Variants in NRG1 observed in about 807,000 individuals in gnomAD.
NRG1 encodes neuregulin 1, also known as pro-neuregulin-1, membrane-bound isoform.
Under a neutral mutation model 63.8 loss-of-function variants are expected in NRG1, and 18 were observed. The observed-to-expected ratio is 0.28, with a 90% CI of 0.19 to 0.42. The LOEUF (loss-of-function observed/expected upper bound fraction) is 0.42. Ranked by LOEUF, NRG1 falls within the 10% of genes least tolerant of loss-of-function variation. The pLI, the probability that NRG1 is intolerant of heterozygous loss-of-function variation, is 1.00. For synonymous variants in NRG1, 302 were observed against 301.3 expected, an observed-to-expected ratio of 1.00 and a Z score of -0.02; for missense variants, 762 against 814.7, an observed-to-expected ratio of 0.94 and a Z score of 0.79.
intron 1 of NRG1, among the ~76,000 whole-genome samples, chr8:31,792,481 T>G (rs1563407704): frequency 6.6e-6 from 1 of 152,248 alleles, no homozygotes; most frequent in Non-Finnish European, 1.5e-5. Flanking sequence ...CCAAATCACA[T>G]GACACAACCA....
At chr8:31,735,402 T>C (rs552851434) in intron 1 of NRG1, among the ~76,000 whole-genome samples, 1 of 152,304 alleles carries the variant, frequency 6.6e-6, no homozygotes, top group South Asian at 2.1e-4. Flanking sequence ...AAAACCCCAC[T>C]GTCTTCCCTT....
upstream of NRG1, among the ~76,000 whole-genome samples, chr8:32,546,887 A>G (rs1393071135): frequency 6.6e-6 from 1 of 152,202 alleles, no homozygotes; most frequent in Admixed American, 6.5e-5. Context: ...CATATCAAGG[A>G]GACACTCCAG....
Position 32,195,797 on chromosome 8 carries a change from AG to A in NRG1, c.38-400030del, listed in dbSNP as rs201405234. On this transcript the variant is annotated intron_variant, in intron 1 of 10. Coordinates refer to the NRG1 transcript ENST00000519301. ...GTAGACATTGAATACTATGTTTGGA[AG>A]TCAGGGAATTGTTTAATATATTTAA... Among the ~76,000 whole-genome samples, 459 of 152,286 alleles carry A rather than the reference AG, an allele frequency of 3.0e-3. 2 individuals carry two copies. Among genetic ancestry groups the A allele is most frequent in the African/African-American group, 0.011 (437 of 41,558 alleles).
intron 1 of NRG1, among the ~76,000 whole-genome samples, chr8:31,891,798 A>G (rs1831164863): frequency 6.6e-6 from 1 of 152,212 alleles, no homozygotes; most frequent in Non-Finnish European, 1.5e-5. Flanking sequence ...ATACCATGGA[A>G]TAGTATTCAG....
At chr8:32,437,846 A>AACTG in intron 1 of NRG1, among the ~76,000 whole-genome samples, 1 of 152,200 alleles carries the variant, frequency 6.6e-6, no homozygotes, top group African/African-American at 2.4e-5. Context: ...TCCACCCAAT[A>AACTG]GTAAATGCCT....
At chr8:32,167,136 G>A (rs1041236671) in intron 1 of NRG1, among the ~76,000 whole-genome samples, 2 of 152,126 alleles carry the variant, frequency 1.3e-5, no homozygotes, top group African/African-American at 4.8e-5. Context: ...ATAATAAGGA[G>A]CTAATAAATT....
intron 1 of NRG1, among the ~76,000 whole-genome samples, chr8:31,878,449 C>T (rs1760528517): frequency 6.6e-6 from 1 of 151,984 alleles, no homozygotes; most frequent in South Asian, 2.1e-4. Context: ...GCCAAAAAGC[C>T]CTGAAATAAA....
intron 1 of NRG1, among the ~76,000 whole-genome samples, chr8:31,820,207 G>A (rs1477398330): frequency 6.6e-6 from 1 of 152,154 alleles, no homozygotes; most frequent in Non-Finnish European, 1.5e-5. Context: ...GTAACGCGAT[G>A]AGGGCCAGAT....
chr8:32,421,012 T>C (rs1478637500), intron 1 of NRG1, among the ~76,000 whole-genome samples: 1 of 152,214 alleles, frequency 6.6e-6, no homozygotes, highest in Non-Finnish European at 1.5e-5. Flanking sequence ...CTTTGCCTTC[T>C]GCCATGATTG....
chr8:32,587,611 A>G (rs543573504), intron 1 of NRG1, among the ~76,000 whole-genome samples: 1 of 152,250 alleles, frequency 6.6e-6, no homozygotes, highest in South Asian at 2.1e-4. Context: ...CTCTGGAATC[A>G]TTTTGTACCT....
Position 32,754,270 on chromosome 8 carries a change from G to A in NRG1, c.692-102G>A, listed in dbSNP as rs753193565. The A allele has an allele frequency of 8.7e-6, 8 of 916,990 alleles. No individual in the cohort carries two copies. In the Admixed American group the frequency reaches 1.2e-4, roughly 14 times the overall value. 56.8% of individuals were successfully genotyped at this position (916,990 alleles called of 1,614,324 possible). ...AGAATTGTCATGTATTTATTTTCTT[G>A]TGAACATGGACAATGTCATGCAGCA... On this transcript the variant is annotated intron_variant, in intron 7 of 11. Transcript: ENST00000356819.
At chr8:31,964,052 A>G (rs1004752117) in intron 1 of NRG1, among the ~76,000 whole-genome samples, 28 of 152,192 alleles carry the variant, frequency 1.8e-4, no homozygotes, top group African/African-American at 6.5e-4. Flanking sequence ...AATGTGAGGT[A>G]GATGACACCA....
chr8:32,647,576 A>C, intron 5 of NRG1: 1 of 1,378,290 alleles, frequency 7.3e-7, no homozygotes, highest in South Asian at 2.0e-5. Flanking sequence ...ATCTTTCTGA[A>C]CTCTTCTTGA....
At chr8:32,516,299 G>A (rs779061894) in intron 1 of NRG1, among the ~76,000 whole-genome samples, 2 of 151,962 alleles carry the variant, frequency 1.3e-5, no homozygotes, top group Non-Finnish European at 2.9e-5. Context: ...TGCTGTTTTT[G>A]TATCATTACC....
rs191030153 is a variant in NRG1, at chr8:32,496,017, T to C, written c.38-99811T>C. Among the ~76,000 whole-genome samples, 4 of 152,314 alleles carry C rather than the reference T, an allele frequency of 2.6e-5. No individual in the cohort carries two copies. In the East Asian group the frequency reaches 7.7e-4, roughly 29 times the overall value. Reference sequence around the variant, plus strand: ...CTGGGTAAATGTAATATATTTATAATAATTTGAAAAGATTCCTCCAGGACT... The same window carrying C: ...CTGGGTAAATGTAATATATTTATAACAATTTGAAAAGATTCCTCCAGGACT... On this transcript the variant is annotated intron_variant, in intron 1 of 10. Transcript: ENST00000519301.
At chr8:32,753,757 A>G (rs575333621) in intron 7 of NRG1, among the ~76,000 whole-genome samples, 137 of 152,322 alleles carry the variant, frequency 9.0e-4, no homozygotes, top group African/African-American at 3.2e-3. Flanking sequence ...TCAATTTACT[A>G]GTTAACTACA....
At chr8:32,499,060 C>T (rs574449413) in intron 1 of NRG1, among the ~76,000 whole-genome samples, 7 of 152,064 alleles carry the variant, frequency 4.6e-5, no homozygotes, top group Non-Finnish European at 1.0e-4. Flanking sequence ...AGGTAAGAGA[C>T]CTGCAAAGGG....
chr8:32,383,683 C>T (rs532484415), intron 1 of NRG1, among the ~76,000 whole-genome samples: 20 of 152,320 alleles, frequency 1.3e-4, no homozygotes, highest in East Asian at 3.9e-4. Context: ...CTTTTTACTG[C>T]GCCACCTTAC....
intron 1 of NRG1, among the ~76,000 whole-genome samples, chr8:31,787,666 T>C (rs1546326): frequency 0.22 from 32,994 of 152,186 alleles, 3,974 homozygotes; most frequent in Non-Finnish European, 0.25. Flanking sequence ...CATAAGCTTA[T>C]TTTCGTAATT....
Sources: allele counts gnomAD v4.1 joint callset (sites outside exome capture counted in the v4.1 genomes callset), GRCh38; gene constraint gnomAD v4.1.1; transcripts MANE v1.5; gene names NCBI Gene and HGNC (gene_info 2026-07-23, HGNC 2026-07-21).